Variants in NT5DC3 observed in about 807,000 individuals in gnomAD.
NT5DC3 encodes the protein 5'-nucleotidase domain containing 3.
NT5DC3 carries 42 observed loss-of-function variants against 67.8 expected under a neutral mutation model. That is an observed-to-expected ratio of 0.62 (90% CI 0.48 to 0.80). The LOEUF (loss-of-function observed/expected upper bound fraction) is 0.80. Ranked by LOEUF, NT5DC3 falls within the 30% of genes least tolerant of loss-of-function variation. NT5DC3 has a pLI of 0.00. For synonymous variants in NT5DC3, 237 were observed against 255.6 expected, an observed-to-expected ratio of 0.93 and a Z score of 0.69; for missense variants, 570 against 696.4, an observed-to-expected ratio of 0.82 and a Z score of 2.04.
intron 9 of NT5DC3, among the ~76,000 whole-genome samples, chr12:103,790,068 T>C (rs1261802275): frequency 6.6e-6 from 1 of 152,194 alleles, no homozygotes; most frequent in African/African-American, 2.4e-5. Flanking sequence ...CATCATGTTT[T>C]ACAGTAATAC....
chr12:103,794,076 T>C (rs1886191262), intron 6 of NT5DC3, 79 bp from the exon 7 acceptor site: 1 of 1,060,320 alleles, frequency 9.4e-7, no homozygotes, highest in Middle Eastern at 2.0e-4. Context: ...ATGGCAGTCA[T>C]GGTAACTTCT....
the NT5DC3 span, chr12:103,762,487 C>T: frequency 1.8e-5 from 28 of 1,592,444 alleles, no homozygotes; most frequent in Middle Eastern, 3.4e-4. Context: ...TCGGTGGCTG[C>T]GCCAGAGTCC....
At chr12:103,797,783 C>T (rs1011031061) in intron 5 of NT5DC3, among the ~76,000 whole-genome samples, 4 of 152,156 alleles carry the variant, frequency 2.6e-5, no homozygotes, top group Non-Finnish European at 5.9e-5. Context: ...TGAATACTTG[C>T]GATTTACACT....
At chr12:103,767,352 C>T (rs1018621129), downstream of NT5DC3, among the ~76,000 whole-genome samples, 3 of 152,038 alleles carry the variant, frequency 2.0e-5, no homozygotes, top group Admixed American at 2.0e-4. Flanking sequence ...TATGAAATGG[C>T]TAAAATAGGC....
At position 103,798,634 on chromosome 12, in the gene NT5DC3, C is replaced by T. The variant is rs377569478; in HGVS notation, c.568G>A (p.Glu190Lys). The change falls in exon 5 of 14, where the codon GAG (glutamate) becomes AAG (lysine). Residue 190 changes from glutamate (E) to lysine (K), a missense_variant. Coordinates refer to ENST00000392876, the MANE Select transcript of NT5DC3 (RefSeq NM_001031701.3). ...VPDEEVIEMY[E>K]GSHVPLEQMS... ...TGCTCCAAGGGCACGTGGGACCCCTCGTACATTTCAATGACTTCTTCATCA... is the reference window on the plus strand; with the variant it reads ...TGCTCCAAGGGCACGTGGGACCCCTTGTACATTTCAATGACTTCTTCATCA... 19 of 1,614,070 alleles carry T rather than the reference C, an allele frequency of 1.2e-5. No homozygotes were observed. Among genetic ancestry groups the T allele is most frequent in the East Asian group, 4.5e-5 (2 of 44,890 alleles).
At chr12:103,810,037 C>A (rs535045909) in intron 2 of NT5DC3, among the ~76,000 whole-genome samples, 2 of 148,978 alleles carry the variant, frequency 1.3e-5, no homozygotes, top group Non-Finnish European at 3.0e-5. Context: ...CCCAAAAATG[C>A]GTGTGGCAAG....
chr12:103,762,228 A>C, the NT5DC3 span: 3 of 1,606,228 alleles, frequency 1.9e-6, no homozygotes, highest in Non-Finnish European at 2.5e-6. Context: ...CCTTTTGGGG[A>C]GTCAGAAGTT....
At chr12:103,765,928 ATAT>A (rs1362815543), downstream of NT5DC3, 6 of 368,820 alleles carry the variant, frequency 1.6e-5, no homozygotes, top group South Asian at 4.3e-5. Flanking sequence ...AGTTTTTATA[ATAT>A]TATTAGCCAC....
intron 1 of NT5DC3, among the ~76,000 whole-genome samples, chr12:103,820,609 C>T (rs1044743884): frequency 2.0e-5 from 3 of 152,142 alleles, no homozygotes; most frequent in Admixed American, 2.0e-4. Context: ...TAGAGCTTGG[C>T]AGAGCTGTCA....
chr12:103,805,360 GA>G (rs1566114349), intron 4 of NT5DC3, among the ~76,000 whole-genome samples: 2 of 152,314 alleles, frequency 1.3e-5, no homozygotes, highest in East Asian at 3.9e-4. Flanking sequence ...AATCCTGTTT[GA>G]CTGTGTGACT....
chr12:103,828,902 T>C lies in NT5DC3; in HGVS notation c.208+12047A>G, dbSNP rs562683991. On this transcript the variant is annotated intron_variant, in intron 1 of 13. Coordinates refer to ENST00000392876, the MANE Select transcript of NT5DC3 (RefSeq NM_001031701.3). ...TTAGTAGAGACAGGGTTTCACCATG[T>C]TGGCCAGGCTGGTCTTGAACTCCTG... Among the ~76,000 whole-genome samples the C allele has an allele frequency of 2.6e-5, 4 of 152,280 alleles. No homozygotes were observed. The East Asian group carries it at 7.7e-4, about 29-fold the overall frequency.
rs1888405461 is a variant in NT5DC3, at chr12:103,841,134, A to G, written c.23T>C (p.Val8Ala). The G allele has an allele frequency of 2.3e-6, 2 of 859,176 alleles. No homozygotes were observed. The highest frequency in any genetic ancestry group is 5.7e-5 in the South Asian group (2 of 34,800). The allele number at this position is 859,176 out of a possible 1,614,324, so 53.2% of individuals were successfully genotyped here. A position where few individuals can be genotyped will look rare whatever the true frequency, so the allele number is the denominator to read the frequency against. The change falls in exon 1 of 14, where the codon GTG becomes GCG. Residue 8 changes from valine to alanine, a missense_variant. Around this residue, in one of 2 missense-constraint regions of NT5DC3, gnomAD observed 104 missense variants for 88.4 expected, o/e 1.18. Transcript: ENST00000392876. MTMAAAA[V>A]VARGAGARAA... The stretch of plus-strand genomic sequence containing the variant: ...CCTCGCCCCGGCCCCGCGTGCCACC[A>G]CCGCCGCCGCTGCCATGGTCATGCC...
At chr12:103,802,446 C>G (rs1222293504) in intron 4 of NT5DC3, 4 of 152,222 alleles carry the variant, frequency 2.6e-5, no homozygotes, top group Non-Finnish European at 4.4e-5. Flanking sequence ...TGCCCGGAAT[C>G]CTGTCTCTCT....
the NT5DC3 span, chr12:103,761,531 C>G: frequency 5.8e-6 from 5 of 855,974 alleles, no homozygotes; most frequent in Non-Finnish European, 7.2e-6. Flanking sequence ...GGAGGAGCCT[C>G]CAGCCTCCAA....
intron 1 of NT5DC3, among the ~76,000 whole-genome samples, chr12:103,833,395 C>A (rs1245399259): frequency 6.6e-6 from 1 of 152,168 alleles, no homozygotes; most frequent in Non-Finnish European, 1.5e-5. Flanking sequence ...TAACCCAATG[C>A]AGTTGCTTGA....
At position 103,775,056 on chromosome 12, in the gene NT5DC3, CCTGA is replaced by C. The variant is rs1885298542; in HGVS notation, c.*2769_*2772del. ...ATGACAGCGACAAGTTAAAATCTGT[CCTGA>C]CTGAGTATATACAAGGATTAATAAT... is the stretch of plus-strand genomic sequence containing the variant. On this transcript the variant is annotated 3_prime_UTR_variant, in exon 14 of 14. Transcript: ENST00000392876. 1 of 151,414 alleles carries C rather than the reference CCTGA, an allele frequency of 6.6e-6. No homozygotes were observed. The allele number at this position is 151,414 out of a possible 1,614,324, so 9.4% of individuals were successfully genotyped here.
At chr12:103,763,233 G>A in the NT5DC3 span, 4 of 434,422 alleles carry the variant, frequency 9.2e-6, no homozygotes, top group Non-Finnish European at 1.7e-5. Flanking sequence ...CTAAGAGCAT[G>A]TGAACACATC....
chr12:103,827,507 G>C (rs935677334), intron 1 of NT5DC3, among the ~76,000 whole-genome samples: 2 of 152,140 alleles, frequency 1.3e-5, no homozygotes, highest in African/African-American at 4.8e-5. Flanking sequence ...CACTAGTAGT[G>C]TTTCTCAAGT....
intron 1 of NT5DC3, among the ~76,000 whole-genome samples, chr12:103,826,661 T>C (rs1887709265): frequency 6.6e-6 from 1 of 152,230 alleles, no homozygotes; most frequent in Non-Finnish European, 1.5e-5. Flanking sequence ...GAAGACAATA[T>C]ATTGTACTGT....
Sources: allele counts gnomAD v4.1 joint callset (sites outside exome capture counted in the v4.1 genomes callset), GRCh38; gene constraint gnomAD v4.1.1; regional missense constraint gnomAD v4.1.1; transcripts MANE v1.5; gene names NCBI Gene and HGNC (gene_info 2026-07-23, HGNC 2026-07-21).